COPE: variants seen among roughly 807,000 people sequenced by gnomAD.
The protein encoded by COPE is coat protein complex I subunit epsilon, also known as coatomer subunit epsilon.
Under a neutral mutation model 42.1 loss-of-function variants are expected in COPE, and 19 were observed. The ratio of observed to expected loss-of-function variants is 0.45; its 90% CI spans 0.31 to 0.66. The LOEUF (loss-of-function observed/expected upper bound fraction) is 0.66, where lower values mean the gene tolerates loss of function less well. Among genes scored for constraint, COPE ranks in the 30% least tolerant of loss-of-function variants. The pLI is 0.05. For synonymous variants in COPE, 195 were observed against 181.3 expected, an observed-to-expected ratio of 1.08 and a Z score of -0.60; for missense variants, 402 against 416.1, an observed-to-expected ratio of 0.97 and a Z score of 0.30.
intron 6 of COPE, among the ~76,000 whole-genome samples, 170 bp from the exon 7 acceptor site, chr19:18,903,593 C>T (rs1329113094): frequency 6.6e-6 from 1 of 152,208 alleles, no homozygotes; most frequent in Non-Finnish European, 1.5e-5. Context: ...TTGTACTCTG[C>T]TGATGGGGCC....
chr19:18,911,102 C>T (rs770971962), intron 2 of COPE, 31 bp from the exon 3 acceptor site: 10 of 1,580,868 alleles, frequency 6.3e-6, no homozygotes, highest in East Asian at 2.2e-5. Flanking sequence ...CAGCTGCACC[C>T]GTCCACCCCA....
intron 1 of COPE, among the ~76,000 whole-genome samples, chr19:18,918,197 A>G (rs2056873962): frequency 6.7e-6 from 1 of 149,272 alleles, no homozygotes; most frequent in Non-Finnish European, 1.5e-5. Context: ...CAAAAAAAAA[A>G]AAAAAAGAAA....
In COPE at chr19:18,904,780, G is replaced by A. The variant is rs142579871; in HGVS notation, c.570C>T (p.Ser190=). The A allele has an allele frequency of 2.6e-6, 4 of 1,552,902 alleles. No homozygotes were observed. The highest frequency in any genetic ancestry group is 1.4e-5 in the African/African-American group (1 of 73,234). Residue 190 remains serine (S), a synonymous_variant, in exon 6 of 10, where the codon AGC becomes AGT. Coordinates refer to ENST00000262812, the MANE Select transcript of COPE (RefSeq NM_007263.4). ...TLTQLATAWV[S]LATGGEKLQD... ...ATGGCCTAGGGCTCACCGTGGCCAG[G>A]CTGACCCAGGCAGTGGCGAGCTGGG...
intron 1 of COPE, among the ~76,000 whole-genome samples, chr19:18,918,869 T>G (rs1217058264): frequency 3.9e-5 from 6 of 152,126 alleles, no homozygotes; most frequent in Admixed American, 3.9e-4. Flanking sequence ...TCTCTGAACT[T>G]TAGGGTTCTC....
chr19:18,905,592 G>A lies in COPE; in HGVS notation c.481C>T (p.Arg161Cys), dbSNP rs139916543. The part of the protein sequence containing the change: ...MTVQILLKLD[R>C]LDLARKELKR... ...AGGGCTCACCGGGCGAGGTCCAGGCGGTCCAGCTTCAGCAGGATCTGCACT... is the reference window on the plus strand; with the variant it reads ...AGGGCTCACCGGGCGAGGTCCAGGCAGTCCAGCTTCAGCAGGATCTGCACT... The change falls in exon 5 of 10, where the codon CGC (arginine) becomes TGC (cysteine). Residue 161 changes from arginine (R) to cysteine (C), a missense_variant. Arg to Cys is a radical substitution (Grantham distance 180). Coordinates refer to ENST00000262812, the MANE Select transcript of COPE (RefSeq NM_007263.4). 99 of 1,592,834 alleles carry A rather than the reference G, an allele frequency of 6.2e-5. No individual in the cohort carries two copies. Among genetic ancestry groups the A allele is most frequent in the African/African-American group, 8.0e-5 (6 of 74,834 alleles).
At position 18,903,170 on chromosome 19, in the gene COPE, A is replaced by C. The variant is rs1429222029; in HGVS notation, c.735+98T>G. 20 of 1,313,584 alleles carry C rather than the reference A, an allele frequency of 1.5e-5. No individual in the cohort carries two copies. The South Asian group carries it at 3.2e-4, about 21-fold the overall frequency. 81.4% of individuals were successfully genotyped at this position (1,313,584 alleles called of 1,614,324 possible). On this transcript the variant is annotated intron_variant, in intron 7 of 9. Transcript: ENST00000262812. ...GCCCTGTGGGGCCACACGCACACCC[A>C]GGGGGTCTCTGCTACACTTGTTTCT...
At chr19:18,914,662 C>T (rs2056838672) in intron 1 of COPE, among the ~76,000 whole-genome samples, 1 of 151,852 alleles carries the variant, frequency 6.6e-6, no homozygotes, top group African/African-American at 2.4e-5. Flanking sequence ...TGGCTCACAC[C>T]TGTAAACCCA....
At chr19:18,902,920 T>C (rs1555709251) in intron 7 of COPE, among the ~76,000 whole-genome samples, 1 of 151,530 alleles carries the variant, frequency 6.6e-6, no homozygotes, top group African/African-American at 2.4e-5. Context: ...CAGCACACTC[T>C]CCCCTACATA....
intron 4 of COPE, 81 bp from the exon 5 acceptor site, chr19:18,905,710 T>C: frequency 1.4e-6 from 2 of 1,426,404 alleles, no homozygotes; most frequent in South Asian, 1.2e-5. Flanking sequence ...GCTCACTGTG[T>C]GTGTCTGGGA....
At chr19:18,900,480 G>T in intron 7 of COPE, 31 bp from the exon 8 acceptor site, 1 of 1,526,566 alleles carries the variant, frequency 6.6e-7, no homozygotes, top group Non-Finnish European at 8.9e-7. Flanking sequence ...GGGGAGGCAG[G>T]GTCAGCCACT....
Position 18,900,475 on chromosome 19 carries a change from G to A in COPE, c.736-26C>T, listed in dbSNP as rs955244410. The A allele has an allele frequency of 1.6e-5, 24 of 1,537,934 alleles. No homozygotes were observed. The East Asian group carries it at 3.7e-4, about 24-fold the overall frequency. The stretch of plus-strand genomic sequence containing the variant: ...CTGGAGACACAGGCAGACACGGGGA[G>A]GCAGGGTCAGCCACTCCAGCCCCCA... On this transcript the variant is annotated intron_variant, in intron 7 of 9. Transcript: ENST00000262812.
At position 18,903,378 on chromosome 19, in the gene COPE, C is replaced by T. The variant is rs2056727520; in HGVS notation, c.625G>A (p.Ala209Thr). ...QDAYYIFQEM[A>T]DKCSPTLLLL... Reference sequence around the variant, plus strand: ...AGCAGGGTGGGCGAGCACTTGTCAGCCATCTCCTGGAAGATGTAGTAGGCA... The same window carrying T: ...AGCAGGGTGGGCGAGCACTTGTCAGTCATCTCCTGGAAGATGTAGTAGGCA... The change falls in exon 7 of 10, where the codon GCT becomes ACT. Residue 209 changes from alanine (A) to threonine (T), a missense_variant. Physicochemically the swap from Ala to Thr is moderately conservative, Grantham distance 58 (BLOSUM62 0). Transcript: ENST00000262812. 6.2e-7 allele frequency: 1 copy of T among 1,613,278 alleles called. No homozygotes were observed. The highest frequency in any genetic ancestry group is 8.5e-7 in the Non-Finnish European group (1 of 1,179,650).
chr19:18,917,643 G>A (rs550126524), intron 1 of COPE, among the ~76,000 whole-genome samples: 45 of 152,166 alleles, frequency 3.0e-4, no homozygotes, highest in African/African-American at 9.9e-4. Flanking sequence ...AATTACAGGT[G>A]TGAACCACCG....
intron 3 of COPE, among the ~76,000 whole-genome samples, chr19:18,908,154 G>A (rs573318386): frequency 2.6e-5 from 4 of 152,304 alleles, no homozygotes; most frequent in Non-Finnish European, 4.4e-5. Context: ...CAATGGGGCC[G>A]GGTACTGTGG....
At chr19:18,905,262 G>A (rs1833408929) in intron 5 of COPE, among the ~76,000 whole-genome samples, 1 of 152,260 alleles carries the variant, frequency 6.6e-6, no homozygotes, top group Non-Finnish European at 1.5e-5. Context: ...CCAGCCCCAC[G>A]GCACAGTTAC....
chr19:18,919,037 G>T (rs1039804849), intron 1 of COPE, among the ~76,000 whole-genome samples, 186 bp downstream of exon 1: 1 of 152,272 alleles, frequency 6.6e-6, no homozygotes, highest in African/African-American at 2.4e-5. Flanking sequence ...GAGCAGTACC[G>T]TAAACTGTTA....
At chr19:18,904,701 T>TG (rs1165718584) in intron 6 of COPE, 70 bp downstream of exon 6, 3 of 1,372,766 alleles carry the variant, frequency 2.2e-6, no homozygotes, top group South Asian at 2.5e-5. Flanking sequence ...TACGCACAGG[T>TG]GGGGGTGCCC....
chr19:18,917,685 G>A, intron 1 of COPE, among the ~76,000 whole-genome samples: 1 of 152,064 alleles, frequency 6.6e-6, no homozygotes, highest in East Asian at 1.9e-4. Context: ...CTAACTACAA[G>A]CAGCCAGAAA....
In COPE at chr19:18,900,301, AGGGATTAGGGCCTG is replaced by A. The variant is rs2056685591; in HGVS notation, c.804+66_804+79del. The A allele has an allele frequency of 2.5e-6, 3 of 1,182,888 alleles. No homozygotes were observed. The African/African-American group carries it at 4.6e-5, about 18-fold the overall frequency. The allele number at this position is 1,182,888 out of a possible 1,614,324, so 73.3% of individuals were successfully genotyped here. The stretch of plus-strand genomic sequence containing the variant: ...GTATACAGAGTTTTCCCAGGGGCCT[AGGGATTAGGGCCTG>A]GACCCCAGGCTGGGGTCCCAGGGTC... On this transcript the variant is annotated intron_variant, in intron 8 of 9. Transcript: ENST00000262812.
Sources: gnomAD v4.1 joint callset for allele counts (sites outside exome capture counted in the v4.1 genomes callset) on GRCh38, gnomAD v4.1.1 for gene constraint, MANE v1.5 for transcripts, NCBI Gene and HGNC (gene_info 2026-07-23, HGNC 2026-07-21) for gene names.